SCFD2: variants seen among roughly 807,000 people sequenced by gnomAD.
The protein encoded by SCFD2 is sec1 family domain-containing protein 2.
Under a neutral mutation model 58.9 loss-of-function variants are expected in SCFD2, and 54 were observed. That is an observed-to-expected ratio of 0.92 (90% CI 0.74 to 1.15). The LOEUF is 1.15. Ranked by LOEUF, SCFD2 falls within the 50% of genes most tolerant of loss-of-function variation. SCFD2 has a pLI of 0.00. For synonymous variants in SCFD2, 321 were observed against 335.9 expected, an observed-to-expected ratio of 0.96 and a Z score of 0.49; for missense variants, 805 against 836.6, an observed-to-expected ratio of 0.96 and a Z score of 0.47.
chr4:53,090,799 T>C (rs1425000190), intron 5 of SCFD2, among the ~76,000 whole-genome samples: 1 of 152,164 alleles, frequency 6.6e-6, no homozygotes, highest in African/African-American at 2.4e-5. Flanking sequence ...GTGCCAAGCA[T>C]TGTGTTCAGA....
chr4:53,352,525 G>C, intron 2 of SCFD2, 73 bp downstream of exon 2: 1 of 1,211,712 alleles, frequency 8.3e-7, no homozygotes, highest in Non-Finnish European at 1.1e-6. Context: ...TTTTCCTATG[G>C]GAATACTCAG....
At chr4:53,212,579 T>A (rs929861943) in intron 4 of SCFD2, among the ~76,000 whole-genome samples, 3 of 75,184 alleles carry the variant, frequency 4.0e-5, no homozygotes, top group African/African-American at 1.1e-4. Flanking sequence ...TGAGCACGTG[T>A]GTGTGTGTGT....
intron 5 of SCFD2, among the ~76,000 whole-genome samples, chr4:53,019,165 G>C (rs1290747349): frequency 6.6e-6 from 1 of 152,052 alleles, no homozygotes; most frequent in Non-Finnish European, 1.5e-5. Flanking sequence ...TCAAAGATAA[G>C]GACAAAGATT....
intron 5 of SCFD2, among the ~76,000 whole-genome samples, chr4:53,101,614 A>G (rs1034586390): frequency 6.6e-6 from 1 of 152,210 alleles, no homozygotes; most frequent in Non-Finnish European, 1.5e-5. Context: ...AAAAGATATA[A>G]TGGTAGAGAA....
chr4:53,260,971 G>C (rs1730811437), intron 4 of SCFD2, among the ~76,000 whole-genome samples: 1 of 152,046 alleles, frequency 6.6e-6, no homozygotes, highest in Non-Finnish European at 1.5e-5. Flanking sequence ...ATATTTCCAG[G>C]AATTTATCCA....
At chr4:53,325,470 A>G (rs1449529862) in intron 2 of SCFD2, among the ~76,000 whole-genome samples, 2 of 152,202 alleles carry the variant, frequency 1.3e-5, no homozygotes, top group East Asian at 3.8e-4. Flanking sequence ...AAGACACAGG[A>G]CTGAGCTTCA....
In SCFD2 at chr4:53,295,614, T is replaced by C. The variant is rs73149250; in HGVS notation, c.1135+18022A>G. Among the ~76,000 whole-genome samples the C allele has an allele frequency of 4.9e-3, 751 of 152,332 alleles. 4 individuals carry two copies. Among genetic ancestry groups the C allele is most frequent in the African/African-American group, 0.017 (694 of 41,576 alleles). On this transcript the variant is annotated intron_variant, in intron 3 of 8. Coordinates refer to ENST00000401642, the MANE Select transcript of SCFD2 (RefSeq NM_152540.4). Reference sequence around the variant, plus strand: ...ACAATTTGACTTCCTCTCTTCCTAATTGAACACCTTTATTTCTTTCTCTTG... The same window carrying C: ...ACAATTTGACTTCCTCTCTTCCTAACTGAACACCTTTATTTCTTTCTCTTG...
At chr4:53,156,524 C>T (rs1381783879) in intron 4 of SCFD2, among the ~76,000 whole-genome samples, 1 of 151,854 alleles carries the variant, frequency 6.6e-6, no homozygotes, top group Non-Finnish European at 1.5e-5. Flanking sequence ...GGTGAAACCC[C>T]GTCTCTACTA....
At chr4:53,359,831 C>T (rs1038447543) in intron 1 of SCFD2, among the ~76,000 whole-genome samples, 1 of 152,202 alleles carries the variant, frequency 6.6e-6, no homozygotes, top group African/African-American at 2.4e-5. Context: ...CAGGAGCACC[C>T]TTGCCAACAA....
At chr4:52,993,361 C>G (rs1721666509) in intron 5 of SCFD2, among the ~76,000 whole-genome samples, 1 of 152,002 alleles carries the variant, frequency 6.6e-6, no homozygotes, top group South Asian at 2.1e-4. Context: ...CCAAATCCCC[C>G]TCTCGGAGAA....
chr4:53,072,576 G>A (rs1236820015), intron 5 of SCFD2, among the ~76,000 whole-genome samples: 2 of 139,072 alleles, frequency 1.4e-5, no homozygotes, highest in South Asian at 4.3e-4. Context: ...TAAAAGATTA[G>A]GGGGGGGAAA....
intron 5 of SCFD2, among the ~76,000 whole-genome samples, chr4:52,945,348 C>T (rs1408971045): frequency 6.6e-6 from 1 of 152,080 alleles, no homozygotes; most frequent in Non-Finnish European, 1.5e-5. Context: ...GAACTAAAGG[C>T]ACAGCCCAGA....
chr4:53,114,587 T>G (rs1435830689), intron 5 of SCFD2, among the ~76,000 whole-genome samples: 1 of 152,160 alleles, frequency 6.6e-6, no homozygotes, highest in African/African-American at 2.4e-5. Flanking sequence ...GTAGAACATT[T>G]TTTAAAGGCT....
chr4:53,022,940 C>A (rs192240532), intron 5 of SCFD2, among the ~76,000 whole-genome samples: 1 of 151,994 alleles, frequency 6.6e-6, no homozygotes, highest in Non-Finnish European at 1.5e-5. Context: ...ATGAATGGGG[C>A]GCCAAGGTAA....
chr4:53,223,934 C>A (rs1729122091), intron 4 of SCFD2, among the ~76,000 whole-genome samples: 2 of 152,164 alleles, frequency 1.3e-5, no homozygotes, highest in Admixed American at 1.3e-4. Context: ...AAGAATCTCA[C>A]AATCCACCTG....
chr4:52,875,394 A>G (rs542946241), intron 8 of SCFD2, among the ~76,000 whole-genome samples: 3 of 152,032 alleles, frequency 2.0e-5, no homozygotes, highest in Non-Finnish European at 4.4e-5. Flanking sequence ...TATTGTATGC[A>G]CCCTAGAAGA....
Position 53,352,712 on chromosome 4 carries a change from G to T in SCFD2, c.893C>A (p.Pro298His), listed in dbSNP as rs1177338682. 2 of 1,614,052 alleles carry T rather than the reference G, an allele frequency of 1.2e-6. No homozygotes were observed. The highest frequency in any genetic ancestry group is 1.7e-6 in the Non-Finnish European group (2 of 1,179,974). The change falls in exon 2 of 9, where the codon CCC becomes CAC. Residue 298 changes from proline (P) to histidine (H), a missense_variant. Physicochemically the swap from Pro to His is moderately conservative, Grantham distance 77. Around this residue, in one of 3 missense-constraint regions of SCFD2, gnomAD observed 633 missense variants for 646.8 expected, o/e 0.98. Coordinates refer to ENST00000401642, the MANE Select transcript of SCFD2 (RefSeq NM_152540.4). ...ATCATTTGTGTGGCCTGGGAGCTGG[G>T]GAAGTGCTGAAATGATCTTCTCTAC... ...NLVEKIISALPQLPGHTNDVM... is the reference protein window; with the variant it reads ...NLVEKIISALHQLPGHTNDVM...
intron 5 of SCFD2, among the ~76,000 whole-genome samples, chr4:53,125,670 C>T (rs369611950): frequency 1.3e-5 from 2 of 152,322 alleles, no homozygotes; most frequent in African/African-American, 4.8e-5. Context: ...ATACCTGGGG[C>T]TAGGAGCAAA....
intron 5 of SCFD2, among the ~76,000 whole-genome samples, chr4:53,130,769 T>C (rs1725765188): frequency 1.3e-5 from 2 of 152,082 alleles, no homozygotes; most frequent in African/African-American, 4.8e-5. Flanking sequence ...CCAAAAGTGG[T>C]TGGGGGTGAT....
Sources: gnomAD v4.1 joint callset for allele counts (sites outside exome capture counted in the v4.1 genomes callset) on GRCh38, gnomAD v4.1.1 for gene constraint, gnomAD v4.1.1 regional missense constraint, MANE v1.5 for transcripts, NCBI Gene and HGNC (gene_info 2026-07-23, HGNC 2026-07-21) for gene names.